STPG2: variants seen among roughly 807,000 people sequenced by gnomAD.
The protein encoded by STPG2 is sperm-tail PG-rich repeat-containing protein 2.
Under a neutral mutation model 54.2 loss-of-function variants are expected in STPG2, and 56 were observed. The observed-to-expected ratio is 1.03, with a 90% confidence interval of 0.83 to 1.29. The LOEUF is 1.29. Ranked by LOEUF, STPG2 falls within the 50% of genes most tolerant of loss-of-function variation. The probability of loss-of-function intolerance (pLI) is 0.00; values close to 1 mark genes in which losing one functional copy is unlikely to be tolerated. For synonymous variants in STPG2, 200 were observed against 181.8 expected, an observed-to-expected ratio of 1.10 and a Z score of -0.81; for missense variants, 596 against 544.9, an observed-to-expected ratio of 1.09 and a Z score of -0.93.
chr4:97,682,838 C>A (rs1344061211), intron 10 of STPG2, among the ~76,000 whole-genome samples: 1 of 151,766 alleles, frequency 6.6e-6, no homozygotes, highest in Admixed American at 6.6e-5. Flanking sequence ...ATTACTCTAT[C>A]ATCCCTCTTA....
intron 10 of STPG2, among the ~76,000 whole-genome samples, chr4:97,679,168 A>G (rs979124664): frequency 6.6e-6 from 1 of 152,160 alleles, no homozygotes; most frequent in Non-Finnish European, 1.5e-5. Flanking sequence ...GTCAAATGGT[A>G]TTTCTAGTTC....
intron 8 of STPG2, among the ~76,000 whole-genome samples, chr4:97,919,083 G>A (rs999821998): frequency 6.6e-6 from 1 of 151,982 alleles, no homozygotes; most frequent in African/African-American, 2.4e-5. Flanking sequence ...ACTACATAGG[G>A]ATTAAACACA....
At chr4:97,610,720 T>C (rs1011595345) in intron 10 of STPG2, among the ~76,000 whole-genome samples, 1 of 151,926 alleles carries the variant, frequency 6.6e-6, no homozygotes, top group African/African-American at 2.4e-5. Context: ...GGCAGGAACA[T>C]TGTAATGACC....
intron 5 of STPG2, among the ~76,000 whole-genome samples, chr4:98,066,565 G>A (rs1463611985): frequency 6.6e-6 from 1 of 151,420 alleles, no homozygotes. Flanking sequence ...CTCCAGCCTG[G>A]GCAACAGACA....
intron 9 of STPG2, among the ~76,000 whole-genome samples, chr4:97,719,929 T>C (rs1486130813): frequency 6.6e-6 from 1 of 151,974 alleles, no homozygotes; most frequent in African/African-American, 2.4e-5. Context: ...GTTAGAGCAA[T>C]TGTTACCTGG....
intron 4 of STPG2, among the ~76,000 whole-genome samples, chr4:97,456,937 A>G (rs1482645388): frequency 2.0e-5 from 3 of 151,710 alleles, no homozygotes; most frequent in African/African-American, 7.3e-5. Context: ...GATGGGTAAA[A>G]TACCTGAATA....
intron 8 of STPG2, among the ~76,000 whole-genome samples, chr4:97,925,204 C>G (rs189608363): frequency 6.6e-6 from 1 of 152,192 alleles, no homozygotes; most frequent in African/African-American, 2.4e-5. Flanking sequence ...TATAACCAGA[C>G]AGGCAATAGC....
chr4:97,676,580 A>T (rs901356251), intron 10 of STPG2, among the ~76,000 whole-genome samples: 88 of 29,764 alleles, frequency 3.0e-3, no homozygotes, highest in African/African-American at 0.013. Context: ...GAAGGAAAGG[A>T]GGGAGGGAGG....
intron 10 of STPG2, among the ~76,000 whole-genome samples, chr4:97,682,828 A>G (rs1316030142): frequency 1.3e-5 from 2 of 151,824 alleles, no homozygotes; most frequent in African/African-American, 4.8e-5. Context: ...GGTGCTAACC[A>G]TTACTCTATC....
chr4:97,781,739 C>T (rs1397292137), intron 9 of STPG2, among the ~76,000 whole-genome samples: 1 of 152,156 alleles, frequency 6.6e-6, no homozygotes, highest in Admixed American at 6.6e-5. Context: ...CCACCATGAT[C>T]AAGTGGGCTT....
At chr4:97,702,826 C>T (rs1356285034) in intron 10 of STPG2, among the ~76,000 whole-genome samples, 1 of 152,114 alleles carries the variant, frequency 6.6e-6, no homozygotes, top group Non-Finnish European at 1.5e-5. Context: ...TAGTAGACAC[C>T]TGGTGAGGCT....
intron 3 of STPG2, among the ~76,000 whole-genome samples, chr4:98,117,233 T>C (rs1052004910): frequency 4.6e-5 from 7 of 152,042 alleles, no homozygotes; most frequent in African/African-American, 1.2e-4. Flanking sequence ...TGGCAGTCTG[T>C]TTTTTCAACA....
At chr4:98,129,482 G>A (rs922056910) in intron 2 of STPG2, among the ~76,000 whole-genome samples, 14 of 152,058 alleles carry the variant, frequency 9.2e-5, no homozygotes, top group Admixed American at 2.6e-4. Flanking sequence ...GCTAAGTTAT[G>A]TGAAATTATA....
At chr4:97,603,949 A>G (rs914940283) in intron 10 of STPG2, among the ~76,000 whole-genome samples, 16 of 151,730 alleles carry the variant, frequency 1.1e-4, no homozygotes, top group Admixed American at 9.2e-4. Flanking sequence ...CTAAACCACT[A>G]TAAATGGTTA....
At chr4:97,810,980 A>T (rs1727719100) in intron 9 of STPG2, among the ~76,000 whole-genome samples, 1 of 152,176 alleles carries the variant, frequency 6.6e-6, no homozygotes, top group Non-Finnish European at 1.5e-5. Flanking sequence ...TAAGGATCAG[A>T]TTATATATTC....
chr4:97,979,391 A>G (rs1328953168), intron 6 of STPG2, among the ~76,000 whole-genome samples: 3 of 152,138 alleles, frequency 2.0e-5, no homozygotes, highest in African/African-American at 7.2e-5. Flanking sequence ...CAGAATTGCT[A>G]TGGTACTGTG....
intron 10 of STPG2, among the ~76,000 whole-genome samples, chr4:97,693,682 C>T (rs915869731): frequency 1.4e-4 from 22 of 152,218 alleles, no homozygotes; most frequent in African/African-American, 5.3e-4. Context: ...GATATTTATA[C>T]AACATTCTAC....
intron 9 of STPG2, among the ~76,000 whole-genome samples, chr4:97,787,525 T>G (rs563955832): frequency 1.1e-4 from 17 of 152,152 alleles, no homozygotes; most frequent in African/African-American, 4.1e-4. Context: ...AAATTCAACT[T>G]GATATTTTGT....
rs1578722143 is a variant in STPG2 at position 97,948,762 on chromosome 4, G to C, written c.934-4755C>G. 2.0e-5 allele frequency among the ~76,000 whole-genome samples: 3 copies of C among 152,232 alleles called. No individual in the cohort carries two copies. In the East Asian group the frequency reaches 5.8e-4, roughly 29 times the overall value. On this transcript the variant is annotated intron_variant, in intron 7 of 10. Coordinates refer to ENST00000295268, the MANE Select transcript of STPG2 (RefSeq NM_174952.3). Reference sequence around the variant, plus strand: ...AGTTGATTTCTATTTGTATTCTGCTGTGATCTGAGAAGATACTTGCTACAG... The same window carrying C: ...AGTTGATTTCTATTTGTATTCTGCTCTGATCTGAGAAGATACTTGCTACAG...
Sources: gnomAD v4.1 joint callset for allele counts (sites outside exome capture counted in the v4.1 genomes callset) on GRCh38, gnomAD v4.1.1 for gene constraint, MANE v1.5 for transcripts, NCBI Gene and HGNC (gene_info 2026-07-23, HGNC 2026-07-21) for gene names.